The following KLRG1 variants were observed in gnomAD, a reference collection of about 807,000 sequenced individuals.
KLRG1 encodes the protein killer cell lectin like receptor G1, also known as killer cell lectin-like receptor subfamily G member 1.
KLRG1 carries 16 observed loss-of-function variants against 21.8 expected under a neutral mutation model. That is an observed-to-expected ratio of 0.73 (90% CI 0.50 to 1.11). The LOEUF (loss-of-function observed/expected upper bound fraction) is 1.11. KLRG1 is among the 50% of genes most tolerant of loss of function. The pLI, the probability that KLRG1 is intolerant of heterozygous loss-of-function variation, is 0.00. For missense variants in KLRG1, 173 were observed against 218.3 expected (o/e 0.79, Z 1.31); for synonymous variants, 69 against 75.9 (o/e 0.91, Z 0.47).
At chr12:8,974,906 C>CTTT (rs34393746) in intron 1 of KLRG1, among the ~76,000 whole-genome samples, 4 of 150,478 alleles carry the variant, frequency 2.7e-5, no homozygotes, top group Non-Finnish European at 4.4e-5. Context: ...TCTTCTTCTT[C>CTTT]TTTTTTTGAG....
the KLRG1 span, among the ~76,000 whole-genome samples, chr12:9,186,519 G>T: frequency 6.6e-6 from 1 of 152,104 alleles, no homozygotes; most frequent in Non-Finnish European, 1.5e-5. Context: ...CATCTCACAT[G>T]CAATGACACT....
the KLRG1 span, among the ~76,000 whole-genome samples, chr12:9,133,232 G>T: frequency 6.6e-6 from 1 of 152,086 alleles, no homozygotes; most frequent in Non-Finnish European, 1.5e-5. Flanking sequence ...AGAAGTTAAA[G>T]AAAAAAGTGA....
intron 1 of KLRG1, among the ~76,000 whole-genome samples, chr12:8,976,820 C>T (rs753662457): frequency 7.9e-5 from 12 of 151,200 alleles, no homozygotes; most frequent in African/African-American, 2.9e-4. Context: ...CATTTTGGCT[C>T]GCTGCAACCT....
chr12:8,951,943 G>A (rs978149612), intron 1 of KLRG1, among the ~76,000 whole-genome samples: 1 of 152,132 alleles, frequency 6.6e-6, no homozygotes, highest in Admixed American at 6.5e-5. Context: ...CCGACCAGAG[G>A]CAAACAACCT....
At chr12:9,200,050 G>C in the KLRG1 span, among the ~76,000 whole-genome samples, 3 of 152,122 alleles carry the variant, frequency 2.0e-5, no homozygotes, top group Non-Finnish European at 4.4e-5. Context: ...AGTGGACAAT[G>C]TCTCTGTATT....
intron 1 of KLRG1, among the ~76,000 whole-genome samples, chr12:8,973,280 T>C (rs1468739519): frequency 6.6e-6 from 1 of 151,942 alleles, no homozygotes; most frequent in Non-Finnish European, 1.5e-5. Context: ...CAAATTAATA[T>C]GTTGAAACTT....
At chr12:9,072,312 A>C in the KLRG1 span, 10 of 1,598,970 alleles carry the variant, frequency 6.3e-6, no homozygotes, top group Admixed American at 1.4e-4. Flanking sequence ...CCGAAAGAAG[A>C]CTGGTGGTTA....
At chr12:9,204,342 T>A in the KLRG1 span, among the ~76,000 whole-genome samples, 1 of 152,098 alleles carries the variant, frequency 6.6e-6, no homozygotes, top group East Asian at 1.9e-4. Context: ...AAATTGGGAG[T>A]GATTATTCAT....
At chr12:9,116,451 C>G in the KLRG1 span, among the ~76,000 whole-genome samples, 1 of 152,072 alleles carries the variant, frequency 6.6e-6, no homozygotes, top group African/African-American at 2.4e-5. Flanking sequence ...AAGAGCCAGG[C>G]CCTGGAAGAA....
chr12:9,211,078 G>C, the KLRG1 span, among the ~76,000 whole-genome samples: 11 of 152,132 alleles, frequency 7.2e-5, no homozygotes, highest in Non-Finnish European at 1.5e-4. Context: ...TCTCCAGAAT[G>C]GTTGCATCAC....
the KLRG1 span, among the ~76,000 whole-genome samples, chr12:9,207,041 G>A: frequency 6.6e-6 from 1 of 152,176 alleles, no homozygotes; most frequent in African/African-American, 2.4e-5. Flanking sequence ...ACCCCTACCG[G>A]TTGCCAGGAA....
chr12:9,213,792 T>G, the KLRG1 span, among the ~76,000 whole-genome samples: 2 of 152,062 alleles, frequency 1.3e-5, no homozygotes, highest in Non-Finnish European at 2.9e-5. Flanking sequence ...TGTCTCTTCA[T>G]GCATGATAGC....
intron 3 of KLRG1, among the ~76,000 whole-genome samples, chr12:8,999,191 T>G (rs1215258096): frequency 6.6e-6 from 1 of 152,212 alleles, no homozygotes; most frequent in East Asian, 1.9e-4. Flanking sequence ...TTTAGATGTT[T>G]GGATATATTC....
the KLRG1 span, among the ~76,000 whole-genome samples, chr12:9,174,042 G>A: frequency 6.6e-6 from 1 of 151,960 alleles, no homozygotes; most frequent in African/African-American, 2.4e-5. Context: ...AGCTTCAGGC[G>A]AATATCCCTG....
chr12:9,054,725 T>C, the KLRG1 span, among the ~76,000 whole-genome samples: 1 of 152,204 alleles, frequency 6.6e-6, no homozygotes, highest in East Asian at 1.9e-4. Flanking sequence ...TTCTATGTCA[T>C]GTCATTTAAA....
At chr12:9,020,278 G>C in the KLRG1 span, among the ~76,000 whole-genome samples, 4 of 152,132 alleles carry the variant, frequency 2.6e-5, no homozygotes, top group African/African-American at 7.2e-5. Flanking sequence ...TATATTTAAA[G>C]AGTAAAATTT....
the KLRG1 span, chr12:9,158,549 G>T: frequency 1.9e-6 from 3 of 1,614,082 alleles, no homozygotes; most frequent in South Asian, 3.3e-5. Flanking sequence ...GAGCCTGGGC[G>T]AAAGTCTTCA....
At chr12:9,162,992 C>T in the KLRG1 span, among the ~76,000 whole-genome samples, 1 of 152,142 alleles carries the variant, frequency 6.6e-6, no homozygotes, top group Admixed American at 6.5e-5. Context: ...TATGTGTTTG[C>T]ATCATTCAGC....
the KLRG1 span, chr12:9,027,558 C>A: frequency 1.2e-4 from 127 of 1,056,676 alleles, no homozygotes; most frequent in Non-Finnish European, 1.6e-4. Context: ...ATAGCTGCTG[C>A]TGCTACTAGA....
Sources: gnomAD v4.1 joint callset for allele counts (sites outside exome capture counted in the v4.1 genomes callset) on GRCh38, gnomAD v4.1.1 for gene constraint, MANE v1.5 for transcripts, NCBI Gene and HGNC (gene_info 2026-07-23, HGNC 2026-07-21) for gene names.